The following CYP4F11 variants were observed in gnomAD, a reference collection of about 807,000 sequenced individuals.
CYP4F11 encodes cytochrome P450 family 4 subfamily F member 11.
A neutral mutation model predicts 62.2 loss-of-function variants in CYP4F11; 79 were observed. The observed-to-expected ratio is 1.27, with a 90% confidence interval of 1.06 to 1.53. CYP4F11 has a LOEUF of 1.53. Ranked by LOEUF, CYP4F11 falls within the 40% of genes most tolerant of loss-of-function variation. CYP4F11 has a pLI of 0.00. For synonymous variants in CYP4F11, 290 were observed against 263.7 expected, an observed-to-expected ratio of 1.10 and a Z score of -0.97; for missense variants, 777 against 680.5, an observed-to-expected ratio of 1.14 and a Z score of -1.58.
In CYP4F11 at chr19:15,931,613, T is replaced by C. The variant is rs1325333886; in HGVS notation, c.199-2012A>G. Among the ~76,000 whole-genome samples, 6 of 81,718 alleles carry C rather than the reference T, an allele frequency of 7.3e-5. No homozygotes were observed. The East Asian group carries it at 1.2e-3, about 17-fold the overall frequency. 53.6% of individuals were successfully genotyped at this position (81,718 alleles called of 152,430 possible). On this transcript the variant is annotated intron_variant, in intron 1 of 11. Transcript: ENST00000402119. ...AGGAATGAGTGAGTGAGGAGAGGAA[T>C]GAGTGAGCGAGGAGAGGAATGAGTG...
Position 15,912,767 on chromosome 19 carries a change from G to GTATGTA in CYP4F11, c.*964_*965insTACATA, listed in dbSNP as rs1361388629. ...TATATGTGTGTGTGTGTGTGTGTGT[G>GTATGTA]TGTGTATATATATATATATATAATA... is the stretch of plus-strand genomic sequence containing the variant. On this transcript the variant is annotated 3_prime_UTR_variant, in exon 12 of 12. Transcript: ENST00000402119. 3.9e-5 allele frequency: 1 copy of GTATGTA among 25,702 alleles called. No individual in the cohort carries two copies. The highest frequency in any genetic ancestry group is 8.1e-5 in the Non-Finnish European group (1 of 12,366). 1.6% of individuals were successfully genotyped at this position (25,702 alleles called of 1,614,324 possible). A position where few individuals can be genotyped will look rare whatever the true frequency, so the allele number is the denominator to read the frequency against.
In CYP4F11 at chr19:15,914,891, C is replaced by A. The variant is rs761126212; in HGVS notation, c.1120G>T (p.Asp374Tyr). The change falls in exon 9 of 12, where the codon GAC becomes TAC. Residue 374 changes from aspartate (D) to tyrosine (Y), a missense_variant. Physicochemically the swap from Asp to Tyr is radical, Grantham distance 160 (BLOSUM62 -3). Transcript: ENST00000402119. ...GTCAGGAAGGGCAGCTGGGCCAGGT[C>A]GTCCCTAAGAAAACACCCCAGCCCC... ...DREPIEIEWD[D>Y]LAQLPFLTMC... is the part of the protein sequence containing the mutation. The A allele has an allele frequency of 1.2e-5, 20 of 1,614,050 alleles. No individual in the cohort carries two copies. The East Asian group carries it at 4.5e-4, about 36-fold the overall frequency.
chr19:15,915,007 G>A, intron 8 of CYP4F11, 112 bp from the exon 9 acceptor site: 2 of 1,474,702 alleles, frequency 1.4e-6, no homozygotes, highest in South Asian at 1.4e-5. Context: ...AATTCCACAT[G>A]GATGAAATAC....
chr19:15,934,519 G>T lies in CYP4F11; in HGVS notation c.-111C>A. The T allele has an allele frequency of 7.6e-7, 1 of 1,315,740 alleles. No individual in the cohort carries two copies. The allele number at this position is 1,315,740 out of a possible 1,614,324, so 81.5% of individuals were successfully genotyped here. A position where few individuals can be genotyped will look rare whatever the true frequency, so the allele number is the denominator to read the frequency against. ...GATGGGCAGTGCTGGAGGCAGATCA[G>T]GGAAGGCTCTGAGATGGGTAAACAA... is the stretch of plus-strand genomic sequence containing the variant. On this transcript the variant is annotated 5_prime_UTR_variant, in exon 1 of 12. It adds an upstream start codon to the 5' untranslated region. Transcript: ENST00000402119.
Position 15,929,725 on chromosome 19 carries a change from T to C in CYP4F11, c.199-124A>G. 5 of 1,118,366 alleles carry C rather than the reference T, an allele frequency of 4.5e-6. No homozygotes were observed. In the South Asian group the frequency reaches 6.2e-5, roughly 14 times the overall value. The allele number at this position is 1,118,366 out of a possible 1,614,324, so 69.3% of individuals were successfully genotyped here. A position where few individuals can be genotyped will look rare whatever the true frequency, so the allele number is the denominator to read the frequency against. On this transcript the variant is annotated intron_variant, in intron 1 of 11. Transcript: ENST00000402119. ...ATAAAACATGCTGGTAAAACATTAT[T>C]TCTGGATGTGTCCATCGGTGTATTT... is the stretch of plus-strand genomic sequence containing the variant.
rs374783348 is a variant in CYP4F11 at position 15,924,866 on chromosome 19, A to T, written c.542T>A (p.Leu181Gln). The change falls in exon 5 of 12, where the codon CTG (leucine) becomes CAG (glutamine). Residue 181 changes from leucine to glutamine, a missense_variant. Transcript: ENST00000402119. The part of the protein sequence containing the change: ...VNIMHDKWQR[L>Q]ASEGSARLDM... ...CAGTCTGGCGCTGCCCTCTGAGGCC[A>T]GGCGCTGCCACTTGTCCTGGCCAGA... The T allele has an allele frequency of 3.1e-6, 5 of 1,611,504 alleles. No individual in the cohort carries two copies. Among genetic ancestry groups the T allele is most frequent in the Non-Finnish European group, 4.2e-6 (5 of 1,178,544 alleles).
chr19:15,927,494 T>G lies in CYP4F11; in HGVS notation c.344-11A>C. On this transcript the variant is annotated splice_polypyrimidine_tract_variant and intron_variant, in intron 2 of 11. Coordinates refer to ENST00000402119, the MANE Select transcript of CYP4F11 (RefSeq NM_021187.4). ...TGGGTGCGACAGCAGCTGACATGAT[T>G]GAGGACCATCAGTGGCCATGGAGAG... 6.2e-7 allele frequency: 1 copy of G among 1,613,038 alleles called. No individual in the cohort carries two copies. The highest frequency in any genetic ancestry group is 1.3e-5 in the African/African-American group (1 of 74,984).
chr19:15,926,544 G>A (rs1029962218), intron 4 of CYP4F11, among the ~76,000 whole-genome samples: 6 of 152,194 alleles, frequency 3.9e-5, no homozygotes, highest in African/African-American at 1.4e-4. Flanking sequence ...CTTTGAGTCT[G>A]TGCTAACCTA....
In CYP4F11 at chr19:15,929,483, AT is replaced by A. The variant is rs770317520; in HGVS notation, c.316del (p.Ile106LeufsTer17). On this transcript the variant is annotated frameshift_variant, in exon 2 of 12. Transcript: ENST00000402119. LOFTEE classifies it high-confidence loss of function. The part of the protein sequence containing the change: ...FPLLILCHPD[I>X]IRPITSASAA... ...TGAGGCACTGGTGATAGGCCGGATA[AT>A]GTCAGGGTGGCATAAAATGAGGAGG... 77 of 1,614,028 alleles carry A rather than the reference AT, an allele frequency of 4.8e-5. No homozygotes were observed. In the Admixed American group the frequency reaches 1.1e-3, roughly 22 times the overall value.
intron 5 of CYP4F11, among the ~76,000 whole-genome samples, chr19:15,924,489 C>A (rs1368310124): frequency 6.6e-6 from 1 of 152,198 alleles, no homozygotes; most frequent in Non-Finnish European, 1.5e-5. Flanking sequence ...CATCTGTCAT[C>A]GGCCCAACCC....
At chr19:15,932,200 GCGAGGAGAGGAA>G in intron 1 of CYP4F11, among the ~76,000 whole-genome samples, 2 of 29,716 alleles carry the variant, frequency 6.7e-5, no homozygotes, top group African/African-American at 1.4e-4. Context: ...GAATGAGTGA[GCGAGGAGAGGAA>G]TGAGTGAGCG....
rs141025936 is a variant in CYP4F11 at position 15,934,303 on chromosome 19, C to A, written c.106G>T (p.Ala36Ser). The A allele has an allele frequency of 3.7e-6, 6 of 1,613,388 alleles. No homozygotes were observed. The highest frequency in any genetic ancestry group is 1.7e-5 in the Admixed American group (1 of 59,966). The change falls in exon 1 of 12, where the codon GCC becomes TCC. Residue 36 changes from alanine (A) to serine (S), a missense_variant. Coordinates refer to ENST00000402119, the MANE Select transcript of CYP4F11 (RefSeq NM_021187.4). ...TTGTCATAGAAGGTGTAGGTCCAGG[C>A]CAGGACGCGGGCCAGGAGCCAGGAG... ...GGSWLLARVL[A>S]WTYTFYDNCR...
At chr19:15,933,901 T>C (rs62104256) in intron 1 of CYP4F11, among the ~76,000 whole-genome samples, 2,774 of 15,666 alleles carry the variant, frequency 0.18, 273 homozygotes, top group East Asian at 0.55. Flanking sequence ...AATGAGTGAG[T>C]GGGCAGAGGA....
Position 15,913,780 on chromosome 19 carries a change from C to T in CYP4F11, c.1527G>A (p.Glu509=). The T allele has an allele frequency of 1.9e-6, 3 of 1,614,200 alleles. No individual in the cohort carries two copies. Among genetic ancestry groups the T allele is most frequent in the East Asian group, 2.2e-5 (1 of 44,876 alleles). ...GCTCCACCCGCAGCCAAAGTCCACC[C>T]TCTGCGCGCAATATCAGCTCGGGTT... ...RRKPELILRA[E]GGLWLRVEPL... Residue 509 remains glutamate (E), a synonymous_variant, in exon 12 of 12, where the codon GAG becomes GAA. Coordinates refer to ENST00000402119, the MANE Select transcript of CYP4F11 (RefSeq NM_021187.4).
chr19:15,931,172 C>G (rs955633160), intron 1 of CYP4F11, among the ~76,000 whole-genome samples: 4 of 151,790 alleles, frequency 2.6e-5, no homozygotes, highest in Admixed American at 6.5e-5. Context: ...AGGAAGGTGC[C>G]TCCAGAAAAG....
chr19:15,920,902 CT>C (rs1258296613), intron 8 of CYP4F11, among the ~76,000 whole-genome samples: 1 of 152,008 alleles, frequency 6.6e-6, no homozygotes, highest in African/African-American at 2.4e-5. Context: ...TTCCCTCTCT[CT>C]TTCTTTCTCT....
At chr19:15,931,634 GAGTGAGCGAGGAGAGGAA>G (rs2089724041) in intron 1 of CYP4F11, among the ~76,000 whole-genome samples, 2 of 71,528 alleles carry the variant, frequency 2.8e-5, no homozygotes. Flanking sequence ...GGAGAGGAAT[GAGTGAGCGAGGAGAGGAA>G]TGAGTGAGCG....
At chr19:15,934,558 A>T (rs1314017002), upstream of CYP4F11, 8 of 919,438 alleles carry the variant, frequency 8.7e-6, no homozygotes, top group East Asian at 1.2e-4. Context: ...CTGAGATCTA[A>T]AGTCCAGAAA....
intron 2 of CYP4F11, among the ~76,000 whole-genome samples, 165 bp downstream of exon 2, chr19:15,929,292 C>T (rs575538011): frequency 6.6e-6 from 1 of 152,116 alleles, no homozygotes; most frequent in African/African-American, 2.4e-5. Flanking sequence ...GAGACGCTGA[C>T]ATGGGGGGTT....
Sources: gnomAD v4.1 joint callset for allele counts (sites outside exome capture counted in the v4.1 genomes callset) on GRCh38, gnomAD v4.1.1 for gene constraint, MANE v1.5 for transcripts, NCBI Gene and HGNC (gene_info 2026-07-23, HGNC 2026-07-21) for gene names.